The following KIAA1549L variants were observed in gnomAD, a reference collection of about 807,000 sequenced individuals.
The protein encoded by KIAA1549L is UPF0606 protein KIAA1549L.
A neutral mutation model predicts 160.7 loss-of-function variants in KIAA1549L; 88 were observed. The ratio of observed to expected loss-of-function variants is 0.55; its 90% confidence interval spans 0.46 to 0.65. KIAA1549L has a LOEUF of 0.65. Among genes scored for constraint, KIAA1549L ranks in the 30% least tolerant of loss-of-function variants. KIAA1549L has a pLI of 0.00. For missense variants in KIAA1549L, 2,258 were observed against 2,437.5 expected, an observed-to-expected ratio of 0.93 and a Z score of 1.55; for synonymous variants, 950 against 976.7, an observed-to-expected ratio of 0.97 and a Z score of 0.51.
At chr11:33,483,766 C>T (rs1852462189) in intron 1 of KIAA1549L, among the ~76,000 whole-genome samples, 1 of 152,198 alleles carries the variant, frequency 6.6e-6, no homozygotes, top group Admixed American at 6.5e-5. Flanking sequence ...GCTTGGTTCC[C>T]ATCTGTGACC....
intron 17 of KIAA1549L, among the ~76,000 whole-genome samples, chr11:33,650,259 C>A (rs930851713): frequency 6.6e-6 from 1 of 152,106 alleles, no homozygotes; most frequent in Non-Finnish European, 1.5e-5. Flanking sequence ...AAATAAGTAC[C>A]CTTATAAGCT....
At chr11:33,659,708 C>A (rs1321016) in intron 19 of KIAA1549L, among the ~76,000 whole-genome samples, 1 of 152,030 alleles carries the variant, frequency 6.6e-6, no homozygotes, top group African/African-American at 2.4e-5. Context: ...TTTTTCTTGG[C>A]GCTTTAAAAA....
intron 10 of KIAA1549L, among the ~76,000 whole-genome samples, chr11:33,577,653 G>A (rs1157126234): frequency 6.6e-6 from 1 of 152,142 alleles, no homozygotes; most frequent in Non-Finnish European, 1.5e-5. Flanking sequence ...AGCTGAAATC[G>A]AGGTGTGTGG....
intron 1 of KIAA1549L, among the ~76,000 whole-genome samples, chr11:33,457,824 A>G (rs1851861104): frequency 1.3e-5 from 2 of 152,164 alleles, no homozygotes; most frequent in African/African-American, 2.4e-5. Flanking sequence ...GACCTTGACA[A>G]TAGGGTCCCA....
rs1854093464 is a variant in KIAA1549L at position 33,543,183 on chromosome 11, C to T, written c.1620C>T (p.Asp540=). The T allele has an allele frequency of 3.1e-6, 5 of 1,613,860 alleles. No individual in the cohort carries two copies. Among genetic ancestry groups the T allele is most frequent in the Non-Finnish European group, 3.4e-6 (4 of 1,179,894 alleles). ...GSDGSPPATR[D]LLLSSKVPNL... ...ATGGGTCCCCTCCTGCAACTAGAGA[C>T]TTGCTCCTCTCAAGCAAAGTTCCTA... The change falls in exon 2 of 21, where the codon GAC becomes GAT. Residue 540 remains aspartate, a synonymous_variant. Transcript: ENST00000658780.
intron 6 of KIAA1549L, among the ~76,000 whole-genome samples, chr11:33,553,996 T>C (rs994640973): frequency 2.0e-5 from 3 of 152,212 alleles, no homozygotes; most frequent in Admixed American, 6.5e-5. Flanking sequence ...AAACAGCTCT[T>C]GAAATGAATG....
At chr11:33,496,058 G>A (rs1852811166) in intron 1 of KIAA1549L, among the ~76,000 whole-genome samples, 1 of 152,168 alleles carries the variant, frequency 6.6e-6, no homozygotes. Flanking sequence ...TGCCTCCTGG[G>A]TTCAAGCAGT....
chr11:33,662,762 T>TA (rs1326706071), intron 20 of KIAA1549L, among the ~76,000 whole-genome samples: 15 of 152,170 alleles, frequency 9.9e-5, no homozygotes, highest in Non-Finnish European at 1.6e-4. Context: ...TCAAGACACT[T>TA]AAAATGATAA....
chr11:33,390,548 A>G (rs1377808849), intron 1 of KIAA1549L, among the ~76,000 whole-genome samples: 2 of 152,172 alleles, frequency 1.3e-5, no homozygotes, highest in Non-Finnish European at 2.9e-5. Context: ...AATCTGGCCA[A>G]TGGAATTAGG....
At chr11:33,646,077 T>A in intron 17 of KIAA1549L, 41 bp downstream of exon 17, 1 of 1,456,174 alleles carries the variant, frequency 6.9e-7, no homozygotes, top group Non-Finnish European at 9.3e-7. Flanking sequence ...ATCTGGTCAG[T>A]CTGCCCAGTG....
intron 1 of KIAA1549L, among the ~76,000 whole-genome samples, chr11:33,432,124 T>A (rs1258855551): frequency 6.6e-6 from 1 of 152,114 alleles, no homozygotes; most frequent in Non-Finnish European, 1.5e-5. Context: ...CTCGCACCTC[T>A]CCCTCCACAC....
chr11:33,628,739 A>G (rs1369752993), intron 16 of KIAA1549L, among the ~76,000 whole-genome samples: 1 of 150,648 alleles, frequency 6.6e-6, no homozygotes, highest in Non-Finnish European at 1.5e-5. Context: ...CTCTTTATCC[A>G]ATTTGCCAGT....
chr11:33,617,579 A>T (rs916890188), intron 15 of KIAA1549L, among the ~76,000 whole-genome samples: 6 of 152,158 alleles, frequency 3.9e-5, no homozygotes, highest in Non-Finnish European at 7.4e-5. Context: ...TGATCATCCT[A>T]TCTAAAGTTG....
chr11:33,494,781 G>A (rs1243088654), intron 1 of KIAA1549L, among the ~76,000 whole-genome samples: 4 of 152,228 alleles, frequency 2.6e-5, no homozygotes, highest in Non-Finnish European at 5.9e-5. Flanking sequence ...CAGGTGCATG[G>A]CTGAATTTCA....
chr11:33,430,045 T>TCCTTCCTTCCTTCCTC (rs538132465), intron 1 of KIAA1549L, among the ~76,000 whole-genome samples: 15,395 of 128,628 alleles, frequency 0.12, 1,581 homozygotes, highest in East Asian at 0.24. Context: ...CTTCCTTCCT[T>TCCTTCCTTCCTTCCTC]CCTCCCTTCC....
chr11:33,421,636 A>G (rs1851013621), intron 1 of KIAA1549L, among the ~76,000 whole-genome samples: 2 of 152,248 alleles, frequency 1.3e-5, no homozygotes, highest in Admixed American at 6.5e-5. Flanking sequence ...AAAGCAGATG[A>G]ATAAGTAATC....
chr11:33,596,409 G>C (rs1026784951), intron 12 of KIAA1549L, among the ~76,000 whole-genome samples: 3 of 152,088 alleles, frequency 2.0e-5, no homozygotes, highest in African/African-American at 7.2e-5. Context: ...AATTGTTTCA[G>C]GATCAAATGA....
intron 1 of KIAA1549L, among the ~76,000 whole-genome samples, chr11:33,470,161 G>C (rs529640161): frequency 1.1e-3 from 164 of 152,112 alleles, no homozygotes; most frequent in Middle Eastern, 0.01. Context: ...CTTACATTTA[G>C]GTTCATGATG....
intron 1 of KIAA1549L, among the ~76,000 whole-genome samples, chr11:33,539,934 A>G (rs537138035): frequency 6.6e-6 from 1 of 152,234 alleles, no homozygotes; most frequent in African/African-American, 2.4e-5. Flanking sequence ...ACTTTTCTTC[A>G]TGAGACATTT....
Sources: allele counts gnomAD v4.1 joint callset (sites outside exome capture counted in the v4.1 genomes callset), GRCh38; gene constraint gnomAD v4.1.1; transcripts MANE v1.5; gene names NCBI Gene and HGNC (gene_info 2026-07-23, HGNC 2026-07-21).